The following ECSIT variants were observed in gnomAD, a reference collection of about 807,000 sequenced individuals.
The protein encoded by ECSIT is ECSIT signaling integrator, also known as evolutionarily conserved signaling intermediate in Toll pathway, mitochondrial.
A neutral mutation model predicts 36.8 loss-of-function variants in ECSIT; 29 were observed. The ratio of observed to expected loss-of-function variants is 0.79; its 90% confidence interval spans 0.59 to 1.08. The LOEUF is 1.08. Ranked by LOEUF, ECSIT falls within the 50% of genes least tolerant of loss-of-function variation. The probability of loss-of-function intolerance (pLI) is 0.00; values close to 1 mark genes in which losing one functional copy is unlikely to be tolerated. For missense variants in ECSIT, 542 were observed against 581.0 expected (o/e 0.93, Z 0.69); for synonymous variants, 231 against 234.8 (o/e 0.98, Z 0.15).
intron 1 of ECSIT, among the ~76,000 whole-genome samples, chr19:11,520,451 C>T (rs149817707): frequency 1.6e-3 from 242 of 152,132 alleles, no homozygotes; most frequent in African/African-American, 5.6e-3. Flanking sequence ...GGATTACAGG[C>T]GTGAGCCACC....
Position 11,513,882 on chromosome 19 carries a change from T to C in ECSIT, c.436A>G (p.Ile146Val), listed in dbSNP as rs1193620106. The C allele has an allele frequency of 2.5e-6, 4 of 1,614,124 alleles. No homozygotes were observed. Among genetic ancestry groups the C allele is most frequent in the South Asian group, 2.2e-5 (2 of 91,080 alleles). The change falls in exon 3 of 8, where the codon ATC becomes GTC. Residue 146 changes from isoleucine to valine, a missense_variant. Coordinates refer to ENST00000270517, the MANE Select transcript of ECSIT (RefSeq NM_016581.5). ...TAGTGGACGAAGATGCGCTGGATGA[T>C]GTTGCGAGGCCGGAAGACCTCCTTG... ...FPKEVFRPRN[I>V]IQRIFVHYPR... is the part of the protein sequence containing the mutation.
At chr19:11,515,826 GT>G (rs1971987624) in intron 2 of ECSIT, among the ~76,000 whole-genome samples, 1 of 152,146 alleles carries the variant, frequency 6.6e-6, no homozygotes, top group Non-Finnish European at 1.5e-5. Context: ...TAGAGACAGG[GT>G]TTCACCATGT....
chr19:11,511,035 C>T (rs1971860236), intron 4 of ECSIT, among the ~76,000 whole-genome samples: 1 of 151,708 alleles, frequency 6.6e-6, no homozygotes, highest in African/African-American at 2.4e-5. Flanking sequence ...TTTCCTGGTA[C>T]ACACTGCTCC....
chr19:11,523,854 TA>T (rs1255018149), intron 1 of ECSIT: 8 of 537,478 alleles, frequency 1.5e-5, no homozygotes, highest in Admixed American at 9.5e-5. Context: ...TTGGCTCACA[TA>T]AAAAAATAAG....
chr19:11,508,006 G>C lies in ECSIT; in HGVS notation c.781C>G (p.Gln261Glu). 1 of 1,613,970 alleles carries C rather than the reference G, an allele frequency of 6.2e-7. No individual in the cohort carries two copies. The highest frequency in any genetic ancestry group is 8.5e-7 in the Non-Finnish European group (1 of 1,179,882). ...KDSTGAADPP[Q>E]PHIVGIQSPD... Reference sequence around the variant, plus strand: ...TCGGACTTACCTACGATGTGGGGCTGGGGGGGATCTGCTGCACCTGTTGAG... The same window carrying C: ...TCGGACTTACCTACGATGTGGGGCTCGGGGGGATCTGCTGCACCTGTTGAG... The change falls in exon 5 of 8, where the codon CAG becomes GAG. Residue 261 changes from glutamine (Q) to glutamate (E), a missense_variant. Transcript: ENST00000270517.
chr19:11,525,136 C>A lies in ECSIT; in HGVS notation c.-24+3926G>T, dbSNP rs372966078. Among the ~76,000 whole-genome samples the A allele has an allele frequency of 1.2e-3, 186 of 151,420 alleles. 5 individuals are homozygous for A. The South Asian group carries it at 0.035, about 29-fold the overall frequency. On this transcript the variant is annotated intron_variant, in intron 1 of 7. Coordinates refer to ENST00000270517, the MANE Select transcript of ECSIT (RefSeq NM_016581.5). ...TGGGCAACAGAGTGCAACTTCATCT[C>A]AAAAAAAATAAATAAATAAAAATAA...
At chr19:11,527,818 G>A (rs925050627) in intron 1 of ECSIT, among the ~76,000 whole-genome samples, 3 of 152,234 alleles carry the variant, frequency 2.0e-5, no homozygotes, top group East Asian at 1.9e-4. Flanking sequence ...AGCAGGACAC[G>A]ATCTTTACAA....
chr19:11,519,983 AAAG>A lies in ECSIT; in HGVS notation c.-23-793_-23-791del, dbSNP rs1162884567. Reference sequence around the variant, plus strand: ...AAACTCCATCTCCAGAAAAAAAAAAAAAGAAGAAAAAAAAAAAAGAAAGAAACC... The same window carrying A: ...AAACTCCATCTCCAGAAAAAAAAAAAAAGAAAAAAAAAAAAGAAAGAAACC... On this transcript the variant is annotated intron_variant, in intron 1 of 7. Coordinates refer to ENST00000270517, the MANE Select transcript of ECSIT (RefSeq NM_016581.5). The surrounding 1 kb of genome is among the most constrained non-coding windows in gnomAD (Gnocchi z 4.4). 6.6e-6 allele frequency: 1 copy of A among 150,988 alleles called. No individual in the cohort carries two copies. The highest frequency in any genetic ancestry group is 6.6e-5 in the Admixed American group (1 of 15,138). 9.4% of individuals were successfully genotyped at this position (150,988 alleles called of 1,614,324 possible).
intron 2 of ECSIT, among the ~76,000 whole-genome samples, chr19:11,514,575 T>C (rs151201393): frequency 9.6e-4 from 145 of 151,620 alleles, no homozygotes; most frequent in African/African-American, 3.3e-3. Context: ...TAGGCTGGAA[T>C]GTAGTGGTGC....
chr19:11,522,378 C>A, intron 1 of ECSIT: 1 of 900,592 alleles, frequency 1.1e-6, no homozygotes, highest in East Asian at 2.5e-5. Context: ...CCAGCAAGTC[C>A]CACCGGCTGG....
chr19:11,519,328 A>C lies in ECSIT; in HGVS notation c.-23-135T>G. 1.4e-6 allele frequency: 1 copy of C among 694,732 alleles called. No homozygotes were observed. Among genetic ancestry groups the C allele is most frequent in the Non-Finnish European group, 2.6e-6 (1 of 387,340 alleles). The allele number at this position is 694,732 out of a possible 1,614,324, so 43.0% of individuals were successfully genotyped here. ...CCCCAATGTTTACCTTACCCAAGAA[A>C]CAGGCTGATGACTCAAAGACTTTGT... On this transcript the variant is annotated intron_variant, in intron 1 of 7. Coordinates refer to ENST00000270517, the MANE Select transcript of ECSIT (RefSeq NM_016581.5). The surrounding 1 kb of genome is among the most constrained non-coding windows in gnomAD (Gnocchi z 4.4).
intron 6 of ECSIT, 67 bp from the exon 7 acceptor site, chr19:11,507,629 C>T (rs1451273540): frequency 1.2e-6 from 2 of 1,613,552 alleles, no homozygotes; most frequent in African/African-American, 1.3e-5. Flanking sequence ...CTCCTCCAGC[C>T]TCTCCCATGC....
chr19:11,512,222 G>A (rs910335770), intron 4 of ECSIT, among the ~76,000 whole-genome samples: 1 of 152,030 alleles, frequency 6.6e-6, no homozygotes, highest in Non-Finnish European at 1.5e-5. Context: ...GTGTACGACT[G>A]TAGTCCCAGC....
chr19:11,527,015 C>T (rs1972229132), intron 1 of ECSIT, among the ~76,000 whole-genome samples: 1 of 151,702 alleles, frequency 6.6e-6, no homozygotes. Context: ...CCACCACACC[C>T]AGCCAGAGGG....
At chr19:11,523,746 G>T in intron 1 of ECSIT, 1 of 683,366 alleles carries the variant, frequency 1.5e-6, no homozygotes, top group South Asian at 1.4e-5. Context: ...AAAGTGGTTG[G>T]TTGCAGTTGT....
intron 4 of ECSIT, among the ~76,000 whole-genome samples, chr19:11,512,445 A>G (rs1224283530): frequency 2.0e-5 from 3 of 152,158 alleles, no homozygotes; most frequent in Admixed American, 2.0e-4. Context: ...CCCTCACCAG[A>G]CCTAGATCTG....
rs13104 is a variant in ECSIT, at chr19:11,505,947, C to T, written c.*237G>A. The T allele has an allele frequency of 1.3e-3, 1,169 of 900,100 alleles. 7 individuals carry two copies. Among genetic ancestry groups the T allele is most frequent in the South Asian group, 3.2e-3 (177 of 54,548 alleles). The allele number at this position is 900,100 out of a possible 1,614,324, so 55.8% of individuals were successfully genotyped here. On this transcript the variant is annotated 3_prime_UTR_variant, in exon 8 of 8. Coordinates refer to ENST00000270517, the MANE Select transcript of ECSIT (RefSeq NM_016581.5). The stretch of plus-strand genomic sequence containing the variant: ...CTGCGCATGCGCACAACCAACAGCG[C>T]TCCCGCCCCTTTTTATTTGAATTCG...
chr19:11,522,140 CG>C, intron 1 of ECSIT: 1 of 410,744 alleles, frequency 2.4e-6, no homozygotes, highest in Non-Finnish European at 4.6e-6. Flanking sequence ...AAGAAGTCTT[CG>C]GGGAGACTGT....
intron 4 of ECSIT, among the ~76,000 whole-genome samples, chr19:11,512,030 C>CA (rs367895124): frequency 0.039 from 5,416 of 139,980 alleles, 306 homozygotes; most frequent in African/African-American, 0.13. Flanking sequence ...GACTCCATCT[C>CA]AAAAAAAAAA....
Sources: gnomAD v4.1 joint callset for allele counts (sites outside exome capture counted in the v4.1 genomes callset) on GRCh38, gnomAD v4.1.1 for gene constraint, Gnocchi (gnomAD v3.1) non-coding constraint, MANE v1.5 for transcripts, NCBI Gene and HGNC (gene_info 2026-07-23, HGNC 2026-07-21) for gene names.